KALRN: variants seen among roughly 807,000 people sequenced by gnomAD.
The protein encoded by KALRN is kalirin.
Under a neutral mutation model 353.7 loss-of-function variants are expected in KALRN, and 70 were observed. The ratio of observed to expected loss-of-function variants is 0.20; its 90% CI spans 0.16 to 0.24. The LOEUF is 0.24. KALRN is among the 10% of genes least tolerant of loss of function. The pLI, the probability that KALRN is intolerant of heterozygous loss-of-function variation, is 1.00. For missense variants in KALRN, 2,791 were observed against 3,756.7 expected, an observed-to-expected ratio of 0.74 and a Z score of 6.72; for synonymous variants, 1,391 against 1,434.8, an observed-to-expected ratio of 0.97 and a Z score of 0.69.
intron 1 of KALRN, among the ~76,000 whole-genome samples, chr3:124,105,138 T>C (rs557106151): frequency 2.0e-5 from 3 of 152,050 alleles, no homozygotes; most frequent in African/African-American, 7.2e-5. Flanking sequence ...AAGAGAAGGA[T>C]GTAAAAGATA....
intron 1 of KALRN, among the ~76,000 whole-genome samples, chr3:124,049,381 G>T (rs1047794999): frequency 3.9e-5 from 6 of 152,268 alleles, no homozygotes; most frequent in African/African-American, 1.4e-4. Context: ...TAATATGCCT[G>T]TTTTTACAGA....
At chr3:124,466,366 A>G (rs2060347631) in intron 25 of KALRN, among the ~76,000 whole-genome samples, 1 of 152,184 alleles carries the variant, frequency 6.6e-6, no homozygotes, top group South Asian at 2.1e-4. Context: ...GCATTCCTGG[A>G]GCACTCAGAC....
chr3:124,537,971 A>G (rs2068671532), intron 33 of KALRN, among the ~76,000 whole-genome samples: 1 of 152,250 alleles, frequency 6.6e-6, no homozygotes, highest in Non-Finnish European at 1.5e-5. Flanking sequence ...ATAATATGGT[A>G]AGGAATCAAA....
chr3:124,220,515 GGAAAGGAGGGGATGA>G (rs959002345), intron 1 of KALRN, among the ~76,000 whole-genome samples: 2 of 151,952 alleles, frequency 1.3e-5, no homozygotes, highest in African/African-American at 4.8e-5. Flanking sequence ...TGTTAACATA[GGAAAGGAGGGGATGA>G]AAGAAGGGAG....
chr3:124,587,698 CTTTTTTTTTTT>C (rs529810541), intron 34 of KALRN, among the ~76,000 whole-genome samples: 22 of 75,868 alleles, frequency 2.9e-4, no homozygotes, highest in African/African-American at 1.3e-3. Flanking sequence ...CCACCCTCCA[CTTTTTTTTTTT>C]TTTTTTTTTT....
intron 1 of KALRN, chr3:124,152,962 C>T (rs1322817168): frequency 1.4e-5 from 3 of 208,574 alleles, no homozygotes; most frequent in South Asian, 1.4e-4. Context: ...TTTTGAAGCA[C>T]CTTTGTGCAA....
chr3:124,201,176 C>T (rs1290650949), intron 1 of KALRN, among the ~76,000 whole-genome samples: 1 of 152,232 alleles, frequency 6.6e-6, no homozygotes, highest in Non-Finnish European at 1.5e-5. Context: ...ACAACAGCCA[C>T]CATTGAGGCA....
intron 47 of KALRN, among the ~76,000 whole-genome samples, chr3:124,670,184 T>C (rs1281970513): frequency 6.6e-6 from 1 of 152,214 alleles, no homozygotes. Context: ...GGTTTTGCCA[T>C]GTTGGCCATG....
chr3:124,417,580 C>A (rs1378140500), intron 14 of KALRN, among the ~76,000 whole-genome samples: 1 of 152,212 alleles, frequency 6.6e-6, no homozygotes, highest in African/African-American at 2.4e-5. Flanking sequence ...AAGAACCCAA[C>A]CCCAACGTTT....
Position 124,521,581 on chromosome 3 carries a change from A to G in KALRN, c.4935+25168A>G, listed in dbSNP as rs117169588. ...AATAGACTGCCCCCAAGCCCCAGCC[A>G]GCCATATAATCATGTTGATCCATCA... On this transcript the variant is annotated intron_variant, in intron 33 of 59. Transcript: ENST00000682506. 1.1e-4 allele frequency among the ~76,000 whole-genome samples: 17 copies of G among 152,326 alleles called. No individual in the cohort carries two copies. The East Asian group carries it at 3.3e-3, about 29-fold the overall frequency.
chr3:124,035,725 G>A (rs2039350685), intron 1 of KALRN, among the ~76,000 whole-genome samples: 1 of 152,212 alleles, frequency 6.6e-6, no homozygotes, highest in Non-Finnish European at 1.5e-5. Flanking sequence ...ACAAGGTGTG[G>A]CACACATTAT....
At chr3:124,232,869 A>G (rs1177461629) in intron 2 of KALRN, among the ~76,000 whole-genome samples, 1 of 151,516 alleles carries the variant, frequency 6.6e-6, no homozygotes, top group Non-Finnish European at 1.5e-5. Flanking sequence ...GTTTCTCAGG[A>G]GTGTCAGACA....
At chr3:124,050,806 G>T (rs1164902767) in intron 1 of KALRN, among the ~76,000 whole-genome samples, 4 of 152,056 alleles carry the variant, frequency 2.6e-5, no homozygotes, top group Non-Finnish European at 1.5e-5. Flanking sequence ...ATGTTAGTGG[G>T]AGCTTGAGAA....
intron 1 of KALRN, among the ~76,000 whole-genome samples, chr3:124,139,273 A>G (rs182793818): frequency 4.2e-4 from 64 of 152,342 alleles, no homozygotes; most frequent in Admixed American, 1.9e-3. Flanking sequence ...CAGAGAAAAC[A>G]TGCTGAATGG....
At chr3:124,308,139 T>C (rs1379329470) in intron 6 of KALRN, among the ~76,000 whole-genome samples, 1 of 151,970 alleles carries the variant, frequency 6.6e-6, no homozygotes, top group Admixed American at 6.6e-5. Flanking sequence ...TAAGCACATA[T>C]ACACCTAACA....
intron 22 of KALRN, among the ~76,000 whole-genome samples, chr3:124,455,632 T>G (rs1416835404): frequency 1.3e-5 from 2 of 152,226 alleles, no homozygotes; most frequent in East Asian, 3.8e-4. Context: ...AGTTTTTCTC[T>G]GTATAGAGTT....
At chr3:124,492,587 A>G (rs1316643345) in intron 31 of KALRN, among the ~76,000 whole-genome samples, 153 bp from the exon 32 acceptor site, 1 of 152,184 alleles carries the variant, frequency 6.6e-6, no homozygotes, top group African/African-American at 2.4e-5. Flanking sequence ...TGTTTCTGGT[A>G]TTGAAGAGTC....
intron 2 of KALRN, among the ~76,000 whole-genome samples, chr3:124,233,852 A>G (rs899298135): frequency 2.6e-5 from 4 of 152,200 alleles, no homozygotes; most frequent in Non-Finnish European, 4.4e-5. Flanking sequence ...GTCTGTGATC[A>G]TGACATAGTG....
chr3:124,646,396 T>TC (rs891090746), intron 37 of KALRN, among the ~76,000 whole-genome samples: 1 of 144,564 alleles, frequency 6.9e-6, no homozygotes, highest in Admixed American at 6.9e-5. Context: ...GTTTACTTTT[T>TC]TTTTTTTTTT....
Sources: gnomAD v4.1 joint callset for allele counts (sites outside exome capture counted in the v4.1 genomes callset) on GRCh38, gnomAD v4.1.1 for gene constraint, MANE v1.5 for transcripts, NCBI Gene and HGNC (gene_info 2026-07-23, HGNC 2026-07-21) for gene names.